WDR72: variants seen among roughly 807,000 people sequenced by gnomAD.
The protein encoded by WDR72 is WD repeat domain 72, also known as WD repeat-containing protein 72.
Under a neutral mutation model 124.2 loss-of-function variants are expected in WDR72, and 120 were observed. That is an observed-to-expected ratio of 0.97 (90% CI 0.83 to 1.12). The LOEUF (loss-of-function observed/expected upper bound fraction) is 1.12. Ranked by LOEUF, WDR72 falls within the 50% of genes most tolerant of loss-of-function variation. The pLI, the probability that WDR72 is intolerant of heterozygous loss-of-function variation, is 0.00. For missense variants in WDR72, 1,387 were observed against 1,278.8 expected (o/e 1.08, Z -1.29); for synonymous variants, 452 against 441.7 (o/e 1.02, Z -0.29).
At chr15:53,657,263 C>CAAAAAAAAAAAAAAA (rs10549551) in intron 14 of WDR72, among the ~76,000 whole-genome samples, 6 of 56,404 alleles carry the variant, frequency 1.1e-4, no homozygotes, top group South Asian at 1.1e-3. Context: ...GACTCCATCT[C>CAAAAAAAAAAAAAAA]AAAAAAAAAA....
At chr15:53,568,018 T>C (rs1243668656) in intron 18 of WDR72, among the ~76,000 whole-genome samples, 2 of 149,490 alleles carry the variant, frequency 1.3e-5, no homozygotes, top group East Asian at 2.0e-4. Context: ...ATAAAGACTA[T>C]TGATTATCTA....
intron 13 of WDR72, among the ~76,000 whole-genome samples, chr15:53,671,890 C>G (rs74015851): frequency 0.028 from 4,158 of 148,258 alleles, 103 homozygotes; most frequent in East Asian, 0.07. Flanking sequence ...AGAAAATGCA[C>G]AGAGAGAGAC....
At chr15:53,540,236 C>T (rs1271029295) in intron 18 of WDR72, among the ~76,000 whole-genome samples, 1 of 152,028 alleles carries the variant, frequency 6.6e-6, no homozygotes, top group African/African-American at 2.4e-5. Context: ...TATAGAAAAC[C>T]TACAGAACTA....
At chr15:53,745,485 C>A (rs982521131) in intron 1 of WDR72, among the ~76,000 whole-genome samples, 1 of 152,052 alleles carries the variant, frequency 6.6e-6, no homozygotes, top group Non-Finnish European at 1.5e-5. Context: ...ATATGATGAT[C>A]TTTAAATCAA....
At chr15:53,636,722 T>G (rs1426497080) in intron 14 of WDR72, among the ~76,000 whole-genome samples, 1 of 152,178 alleles carries the variant, frequency 6.6e-6, no homozygotes, top group Non-Finnish European at 1.5e-5. Flanking sequence ...GTACGTCTTG[T>G]GGGTTCCAAG....
In WDR72 at chr15:53,747,154, C is replaced by A. The variant is rs2018662993; in HGVS notation, c.-13+12479G>T. 3.3e-5 allele frequency among the ~76,000 whole-genome samples: 5 copies of A among 152,164 alleles called. No individual in the cohort carries two copies. The South Asian group carries it at 1.0e-3, about 31-fold the overall frequency. On this transcript the variant is annotated intron_variant, in intron 1 of 19. Transcript: ENST00000360509. Reference sequence around the variant, plus strand: ...ACCAGTCCAAGCTGGCATGGGTCAGCAGAAGCCCTGTCCACCCAAAATCTA... The same window carrying A: ...ACCAGTCCAAGCTGGCATGGGTCAGAAGAAGCCCTGTCCACCCAAAATCTA...
At chr15:53,639,136 C>T (rs183939003) in intron 14 of WDR72, among the ~76,000 whole-genome samples, 37 of 152,230 alleles carry the variant, frequency 2.4e-4, no homozygotes, top group Admixed American at 1.4e-3. Context: ...TCTTTCCCTT[C>T]TCTGAATCCC....
intron 13 of WDR72, among the ~76,000 whole-genome samples, chr15:53,680,493 A>C (rs1172438122): frequency 6.6e-6 from 1 of 152,190 alleles, no homozygotes; most frequent in Non-Finnish European, 1.5e-5. Flanking sequence ...TGTAACTGTA[A>C]TTTTCAAACT....
Position 53,609,636 on chromosome 15 carries a change from A to G in WDR72, c.2873-44T>C, listed in dbSNP as rs1470656003. On this transcript the variant is annotated intron_variant, in intron 16 of 19. Transcript: ENST00000360509. Reference sequence around the variant, plus strand: ...CACTTGTATCTTTAGAGTATTAAAAATGGATAATGGCTCTTAAGATGGGCT... The same window carrying G: ...CACTTGTATCTTTAGAGTATTAAAAGTGGATAATGGCTCTTAAGATGGGCT... 3 of 1,515,512 alleles carry G rather than the reference A, an allele frequency of 2.0e-6. No individual in the cohort carries two copies. In the South Asian group the frequency reaches 3.4e-5, roughly 17 times the overall value. 93.9% of individuals were successfully genotyped at this position (1,515,512 alleles called of 1,614,324 possible). A position where few individuals can be genotyped will look rare whatever the true frequency, so the allele number is the denominator to read the frequency against.
intron 13 of WDR72, among the ~76,000 whole-genome samples, chr15:53,677,697 G>A (rs767651619): frequency 9.9e-5 from 15 of 152,144 alleles, no homozygotes; most frequent in Non-Finnish European, 1.8e-4. Context: ...GGCCTCCCCA[G>A]ACACGTGGAA....
chr15:53,683,029 G>C (rs1486334043), intron 13 of WDR72, among the ~76,000 whole-genome samples: 1 of 152,176 alleles, frequency 6.6e-6, no homozygotes, highest in Non-Finnish European at 1.5e-5. Flanking sequence ...AGTGGTAGGA[G>C]AGAAGTGTAA....
At chr15:53,756,249 G>A (rs1366409567) in intron 1 of WDR72, among the ~76,000 whole-genome samples, 1 of 152,102 alleles carries the variant, frequency 6.6e-6, no homozygotes, top group East Asian at 1.9e-4. Context: ...TTTCATAAGG[G>A]GCTTCCCCCT....
intron 1 of WDR72, among the ~76,000 whole-genome samples, chr15:53,756,997 G>C (rs530357019): frequency 1.3e-5 from 2 of 152,248 alleles, no homozygotes; most frequent in East Asian, 3.9e-4. Flanking sequence ...ATGAAAATTT[G>C]CATTTTTTAG....
chr15:53,704,716 T>A (rs1176950589), intron 11 of WDR72, among the ~76,000 whole-genome samples: 2 of 140,892 alleles, frequency 1.4e-5, no homozygotes, highest in Non-Finnish European at 3.1e-5. Flanking sequence ...GTATTTTTAG[T>A]AGAAATGGGG....
chr15:53,560,471 G>C (rs1357547846), intron 18 of WDR72, among the ~76,000 whole-genome samples: 2 of 151,794 alleles, frequency 1.3e-5, no homozygotes, highest in African/African-American at 2.4e-5. Flanking sequence ...TATTATCCTA[G>C]AGATCCCATG....
chr15:53,570,755 T>C (rs995123948), intron 18 of WDR72, among the ~76,000 whole-genome samples: 1 of 152,042 alleles, frequency 6.6e-6, no homozygotes, highest in Non-Finnish European at 1.5e-5. Context: ...GAAAATAAAC[T>C]GTTGTACCAA....
At chr15:53,725,876 C>T (rs1254157343) in intron 2 of WDR72, among the ~76,000 whole-genome samples, 1 of 151,928 alleles carries the variant, frequency 6.6e-6, no homozygotes, top group Non-Finnish European at 1.5e-5. Flanking sequence ...AATGGATACA[C>T]CAACCTGGCT....
chr15:53,539,010 G>C (rs1343724261), intron 18 of WDR72, among the ~76,000 whole-genome samples: 3 of 151,774 alleles, frequency 2.0e-5, no homozygotes, highest in African/African-American at 7.3e-5. Flanking sequence ...AAAATAAGTG[G>C]GTCAAGTTAC....
intron 14 of WDR72, among the ~76,000 whole-genome samples, chr15:53,663,630 T>G (rs955821758): frequency 6.6e-6 from 1 of 152,128 alleles, no homozygotes; most frequent in African/African-American, 2.4e-5. Context: ...CTGCAGACCC[T>G]AGACATCTGA....
Sources: allele counts gnomAD v4.1 joint callset (sites outside exome capture counted in the v4.1 genomes callset), GRCh38; gene constraint gnomAD v4.1.1; transcripts MANE v1.5; gene names NCBI Gene and HGNC (gene_info 2026-07-23, HGNC 2026-07-21).